The following IQCJ variants were observed in gnomAD, a reference collection of about 807,000 sequenced individuals.
IQCJ encodes the protein IQ motif containing J, also known as IQ domain-containing protein J.
IQCJ carries 9 observed loss-of-function variants against 11.0 expected under a neutral mutation model. That is an observed-to-expected ratio of 0.82 (90% CI 0.49 to 1.43). The LOEUF is 1.43. Ranked by LOEUF, IQCJ falls within the 40% of genes most tolerant of loss-of-function variation. The pLI, the probability that IQCJ is intolerant of heterozygous loss-of-function variation, is 0.00. For synonymous variants in IQCJ, 55 were observed against 51.3 expected (o/e 1.07, Z -0.31); for missense variants, 146 against 133.2 (o/e 1.10, Z -0.47).
At chr3:159,145,734 C>T (rs1166012261) in intron 1 of IQCJ, among the ~76,000 whole-genome samples, 1 of 152,118 alleles carries the variant, frequency 6.6e-6, no homozygotes. Context: ...TCCTATATTC[C>T]AGGCTCCAGC....
intron 1 of IQCJ, among the ~76,000 whole-genome samples, chr3:159,180,516 G>T (rs2108013781): frequency 6.6e-6 from 1 of 151,242 alleles, no homozygotes; most frequent in East Asian, 1.9e-4. Flanking sequence ...TATATAGACT[G>T]CTCTTTAAAA....
chr3:159,233,514 C>T (rs1051113425), intron 1 of IQCJ, among the ~76,000 whole-genome samples: 1 of 152,152 alleles, frequency 6.6e-6, no homozygotes, highest in Admixed American at 6.5e-5. Flanking sequence ...GTCTGAGATA[C>T]ATAATAATAA....
At chr3:159,168,687 A>G (rs916965933) in intron 1 of IQCJ, among the ~76,000 whole-genome samples, 1 of 152,184 alleles carries the variant, frequency 6.6e-6, no homozygotes, top group African/African-American at 2.4e-5. Context: ...TTAATGAAAC[A>G]GCTTATTTCT....
intron 1 of IQCJ, among the ~76,000 whole-genome samples, chr3:159,237,356 A>G (rs1257239639): frequency 1.3e-5 from 2 of 152,224 alleles, no homozygotes; most frequent in Non-Finnish European, 2.9e-5. Flanking sequence ...AGCCACAGTG[A>G]TGGGCTTGTC....
chr3:159,212,022 A>G (rs1329077684), intron 1 of IQCJ, among the ~76,000 whole-genome samples: 1 of 151,282 alleles, frequency 6.6e-6, no homozygotes, highest in African/African-American at 2.4e-5. Context: ...AATTTAAAAT[A>G]AAATCCCAAT....
At chr3:159,134,560 A>C (rs971421990) in intron 1 of IQCJ, among the ~76,000 whole-genome samples, 1 of 152,216 alleles carries the variant, frequency 6.6e-6, no homozygotes, top group African/African-American at 2.4e-5. Flanking sequence ...AAGAGTATAC[A>C]TCATTTATAG....
At chr3:159,235,233 A>T (rs1726507935) in intron 1 of IQCJ, among the ~76,000 whole-genome samples, 1 of 152,182 alleles carries the variant, frequency 6.6e-6, no homozygotes, top group African/African-American at 2.4e-5. Context: ...TCTCAGTTGA[A>T]TTTTTATAGT....
intron 1 of IQCJ, among the ~76,000 whole-genome samples, chr3:159,082,383 A>G (rs961676493): frequency 1.3e-5 from 2 of 151,990 alleles, no homozygotes; most frequent in Admixed American, 1.3e-4. Flanking sequence ...TTACAGATGA[A>G]AAAACAGAGG....
chr3:159,101,247 C>T (rs1717884269), intron 1 of IQCJ, among the ~76,000 whole-genome samples: 1 of 149,432 alleles, frequency 6.7e-6, no homozygotes, highest in South Asian at 2.1e-4. Context: ...TGCGCACACA[C>T]ACTGGCCTGC....
At chr3:159,225,125 T>C (rs1284808874) in intron 1 of IQCJ, among the ~76,000 whole-genome samples, 3 of 152,170 alleles carry the variant, frequency 2.0e-5, no homozygotes, top group Non-Finnish European at 4.4e-5. Context: ...TTATAATAGC[T>C]AAAAATTGGA....
intron 1 of IQCJ, among the ~76,000 whole-genome samples, chr3:159,082,189 A>T (rs1240110353): frequency 1.3e-5 from 2 of 152,314 alleles, no homozygotes; most frequent in East Asian, 3.9e-4. Context: ...TAACCAACTT[A>T]GAAAAAGTAT....
intron 1 of IQCJ, among the ~76,000 whole-genome samples, chr3:159,184,667 C>T (rs1204541699): frequency 6.6e-6 from 1 of 152,190 alleles, no homozygotes; most frequent in African/African-American, 2.4e-5. Context: ...ACTTCTGTTA[C>T]ATTCCATGGT....
At position 159,263,708 on chromosome 3, in the gene IQCJ, A is replaced by C; in HGVS notation, c.*977A>C. 1.0e-6 allele frequency: 1 copy of C among 985,394 alleles called. No homozygotes were observed. The highest frequency in any genetic ancestry group is 4.7e-5 in the South Asian group (1 of 21,286). 61.0% of individuals were successfully genotyped at this position (985,394 alleles called of 1,614,324 possible). ...GATCAGGTAAAAGTTACTGTATTTG[A>C]AATGTTTTCAGATGGTTGCATTGCA... On this transcript the variant is annotated 3_prime_UTR_variant, in exon 4 of 4. Transcript: ENST00000397832.
chr3:159,167,893 A>T, intron 1 of IQCJ, among the ~76,000 whole-genome samples: 1 of 152,226 alleles, frequency 6.6e-6, no homozygotes, highest in Non-Finnish European at 1.5e-5. Context: ...GATAAAACTT[A>T]ATTCCATAGG....
At chr3:159,187,746 A>G (rs1392505930) in intron 1 of IQCJ, among the ~76,000 whole-genome samples, 1 of 152,222 alleles carries the variant, frequency 6.6e-6, no homozygotes, top group Non-Finnish European at 1.5e-5. Flanking sequence ...CACAGTGTCC[A>G]TCGGTGTCCT....
chr3:159,122,645 G>T (rs903435512), intron 1 of IQCJ, among the ~76,000 whole-genome samples: 1 of 151,904 alleles, frequency 6.6e-6, no homozygotes, highest in Non-Finnish European at 1.5e-5. Context: ...TTTATCTTAA[G>T]CTGTCTTTTG....
intron 1 of IQCJ, among the ~76,000 whole-genome samples, chr3:159,085,136 C>A (rs946016119): frequency 2.0e-5 from 3 of 151,110 alleles, no homozygotes; most frequent in Non-Finnish European, 4.4e-5. Context: ...TCTCATTGTT[C>A]AATTCCCACC....
chr3:159,243,625 G>A (rs527973565), intron 1 of IQCJ, among the ~76,000 whole-genome samples: 1 of 152,276 alleles, frequency 6.6e-6, no homozygotes, highest in African/African-American at 2.4e-5. Flanking sequence ...GATTGTAAAG[G>A]GGAACAAAGG....
intron 1 of IQCJ, among the ~76,000 whole-genome samples, chr3:159,228,292 G>A (rs761226782): frequency 6.6e-6 from 1 of 152,160 alleles, no homozygotes; most frequent in African/African-American, 2.4e-5. Context: ...ACATGCTGCT[G>A]TAGCTGTCTG....
Sources: gnomAD v4.1 joint callset for allele counts (sites outside exome capture counted in the v4.1 genomes callset) on GRCh38, gnomAD v4.1.1 for gene constraint, MANE v1.5 for transcripts, NCBI Gene and HGNC (gene_info 2026-07-23, HGNC 2026-07-21) for gene names.